Variants in DPPA4 observed in about 807,000 individuals in gnomAD.
DPPA4 encodes developmental pluripotency-associated protein 4.
DPPA4 carries 22 observed loss-of-function variants against 33.7 expected under a neutral mutation model. The observed-to-expected ratio is 0.65, with a 90% CI of 0.47 to 0.93. The LOEUF (loss-of-function observed/expected upper bound fraction) is 0.93. Among genes scored for constraint, DPPA4 ranks in the 40% least tolerant of loss-of-function variants. The pLI is 0.00. For missense variants in DPPA4, 340 were observed against 358.6 expected, an observed-to-expected ratio of 0.95 and a Z score of 0.42; for synonymous variants, 156 against 132.3, an observed-to-expected ratio of 1.18 and a Z score of -1.23.
chr3:109,332,387 C>T (rs996754663), intron 2 of DPPA4, among the ~76,000 whole-genome samples: 2 of 152,210 alleles, frequency 1.3e-5, no homozygotes, highest in Admixed American at 6.5e-5. Context: ...AGGCCTAAGC[C>T]ACCGCGCCCA....
chr3:109,332,766 G>A (rs1319484444), intron 2 of DPPA4, among the ~76,000 whole-genome samples: 12 of 152,220 alleles, frequency 7.9e-5, no homozygotes, highest in Admixed American at 1.3e-4. Context: ...TGTTCATCCC[G>A]CTTCTGCACC....
intron 1 of DPPA4, among the ~76,000 whole-genome samples, chr3:109,335,872 G>A (rs1264655468): frequency 1.3e-5 from 2 of 151,834 alleles, no homozygotes; most frequent in Non-Finnish European, 2.9e-5. Context: ...AAATATAAAG[G>A]CTAGGCTCCG....
At chr3:109,330,325 A>AAAAG in intron 5 of DPPA4, 199 bp downstream of exon 5, 1 of 353,408 alleles carries the variant, frequency 2.8e-6, no homozygotes, top group Non-Finnish European at 4.9e-6. Flanking sequence ...AAAAAAAAAA[A>AAAAG]AAAAAAGGAA....
chr3:109,333,421 T>C (rs1708125572), intron 2 of DPPA4: 1 of 160,936 alleles, frequency 6.2e-6, no homozygotes, highest in African/African-American at 2.5e-5. Context: ...ACTCTGTACA[T>C]ATTACTTCTC....
At chr3:109,337,696 G>A, upstream of DPPA4, 1 of 621,712 alleles carries the variant, frequency 1.6e-6, no homozygotes, top group South Asian at 2.0e-5. Context: ...GGTGACTTTT[G>A]TCTGGGTTGA....
At chr3:109,328,131 G>T in intron 6 of DPPA4, 107 bp from the exon 7 acceptor site, 1 of 725,240 alleles carries the variant, frequency 1.4e-6, no homozygotes, top group South Asian at 1.6e-5. Flanking sequence ...ACAACTTTAG[G>T]ATCATAGGTA....
At chr3:109,337,586 G>T, upstream of DPPA4, 7 of 1,449,760 alleles carry the variant, frequency 4.8e-6, no homozygotes, top group Admixed American at 1.7e-5. Flanking sequence ...GCCGCCCGAA[G>T]ACCCTTTTTC....
rs758482454 is a variant in DPPA4, at chr3:109,328,017, C to T, written c.886G>A (p.Val296Ile). 2.0e-6 allele frequency: 3 copies of T among 1,533,096 alleles called. No individual in the cohort carries two copies. Among genetic ancestry groups the T allele is most frequent in the Non-Finnish European group, 2.7e-6 (3 of 1,107,496 alleles). The allele number at this position is 1,533,096 out of a possible 1,614,324, so 95.0% of individuals were successfully genotyped here. A position where few individuals can be genotyped will look rare whatever the true frequency, so the allele number is the denominator to read the frequency against. The change falls in exon 7 of 7, where the codon GTC (valine) becomes ATC (isoleucine). Residue 296 changes from valine (V) to isoleucine (I), a missense_variant. Val to Ile is a conservative substitution (Grantham distance 29). This residue lies in a region of DPPA4 where 212 missense variants were observed against 206.5 expected (regional missense o/e 1.03). Coordinates refer to ENST00000335658, the MANE Select transcript of DPPA4 (RefSeq NM_018189.4). ...TCCCATTGGAGGCTTTTTATTAAGA[C>T]CTTGTTCCTATAAAGCAAATAAAGT... Reference protein sequence around the residue: ...LCPKCVHRNKVLIKSLQWE With the variant: ...LCPKCVHRNKILIKSLQWE
Position 109,330,620 on chromosome 3 carries a change from TCAC to T in DPPA4, c.580_582del (p.Val194del), listed in dbSNP as rs768647140. 3.1e-6 allele frequency: 5 copies of T among 1,614,054 alleles called. No individual in the cohort carries two copies. Among genetic ancestry groups the T allele is most frequent in the Non-Finnish European group, 3.4e-6 (4 of 1,180,050 alleles). On this transcript the variant is annotated inframe_deletion, in exon 5 of 7. Transcript: ENST00000335658. ...AGCAAAGCCTCTGGGGCAGAAGTTG[TCAC>T]CACAACTGTATTAACTCCCTCAAGG...
chr3:109,337,816 G>A (rs1431674708), upstream of DPPA4, among the ~76,000 whole-genome samples: 1 of 151,084 alleles, frequency 6.6e-6, no homozygotes, highest in Non-Finnish European at 1.5e-5. Context: ...GATTCTACGG[G>A]GAAAAAAAAC....
Position 109,327,202 on chromosome 3 carries a change from G to A in DPPA4, c.*786C>T, listed in dbSNP as rs936510825. 1 of 152,134 alleles carries A rather than the reference G, an allele frequency of 6.6e-6. No homozygotes were observed. The highest frequency in any genetic ancestry group is 2.4e-5 in the African/African-American group (1 of 41,436). 9.4% of individuals were successfully genotyped at this position (152,134 alleles called of 1,614,324 possible). A position where few individuals can be genotyped will look rare whatever the true frequency, so the allele number is the denominator to read the frequency against. ...ATTAAAAATCATGTGTTTGGGGGAG[G>A]GAGGGAATTAACAGCCTTTCTTTGC... On this transcript the variant is annotated 3_prime_UTR_variant, in exon 7 of 7. Coordinates refer to ENST00000335658, the MANE Select transcript of DPPA4 (RefSeq NM_018189.4).
chr3:109,330,000 CTGTT>C, intron 5 of DPPA4: 1 of 169,970 alleles, frequency 5.9e-6, no homozygotes, highest in South Asian at 1.5e-4. Context: ...GCCTGGGAAA[CTGTT>C]AGAGATGCAA....
chr3:109,339,058 G>A (rs1708263934), upstream of DPPA4, among the ~76,000 whole-genome samples: 1 of 151,736 alleles, frequency 6.6e-6, no homozygotes, highest in Admixed American at 6.6e-5. Context: ...GCCGGGCATG[G>A]TGCGTGCCTG....
At chr3:109,337,333 A>T in intron 1 of DPPA4, 131 bp downstream of exon 1, 2 of 669,994 alleles carry the variant, frequency 3.0e-6, no homozygotes, top group Non-Finnish European at 5.0e-6. Context: ...TCTTAAAATA[A>T]AAAAAAAAAA....
intron 1 of DPPA4, among the ~76,000 whole-genome samples, chr3:109,334,401 T>G (rs527380622): frequency 1.3e-5 from 2 of 152,116 alleles, no homozygotes; most frequent in Admixed American, 1.3e-4. Context: ...GGAAACAAAA[T>G]TAGCTGAGCA....
At chr3:109,337,356 A>C in intron 1 of DPPA4, 108 bp downstream of exon 1, 1 of 987,018 alleles carries the variant, frequency 1.0e-6, no homozygotes, top group East Asian at 2.4e-5. Flanking sequence ...TCAAGAGGAG[A>C]AAATTCGAAG....
At chr3:109,331,136 G>A (rs1251444245) in intron 4 of DPPA4, among the ~76,000 whole-genome samples, 1 of 151,394 alleles carries the variant, frequency 6.6e-6, no homozygotes, top group Non-Finnish European at 1.5e-5. Flanking sequence ...AAATTATCCA[G>A]GCATGGTGGC....
At chr3:109,329,522 G>A (rs1352869156) in intron 5 of DPPA4, 4 of 164,978 alleles carry the variant, frequency 2.4e-5, no homozygotes, top group East Asian at 1.7e-4. Context: ...GTGACAGAGC[G>A]AGACTCCATA....
chr3:109,332,029 G>C lies in DPPA4; in HGVS notation c.181C>G (p.Leu61Val). 1 of 1,600,948 alleles carries C rather than the reference G, an allele frequency of 6.2e-7. No individual in the cohort carries two copies. The highest frequency in any genetic ancestry group is 8.5e-7 in the Non-Finnish European group (1 of 1,173,192). ...TGCTCTGCCTTTTTCTTAGGGCAGA[G>C]CACTGAAGCAGAATGGAATCAAATG... Reference protein sequence around the residue: ...EKMSIKGSKVLCPKKKAEHTD... With the variant: ...EKMSIKGSKVVCPKKKAEHTD... Residue 61 changes from leucine to valine, a missense_variant and splice_region_variant, in exon 3 of 7, where the codon CTC (leucine) becomes GTC (valine). Physicochemically the swap from Leu to Val is conservative, Grantham distance 32. Transcript: ENST00000335658.
Sources: allele counts gnomAD v4.1 joint callset (sites outside exome capture counted in the v4.1 genomes callset), GRCh38; gene constraint gnomAD v4.1.1; regional missense constraint gnomAD v4.1.1; transcripts MANE v1.5; gene names NCBI Gene and HGNC (gene_info 2026-07-23, HGNC 2026-07-21).